Variants in NAALADL2 observed in about 807,000 individuals in gnomAD.
NAALADL2 encodes the protein inactive N-acetylated-alpha-linked acidic dipeptidase-like protein 2.
A neutral mutation model predicts 87.2 loss-of-function variants in NAALADL2; 76 were observed. That is an observed-to-expected ratio of 0.87 (90% CI 0.72 to 1.05). NAALADL2 has a LOEUF of 1.05. NAALADL2 is among the 50% of genes least tolerant of loss of function. The pLI is 0.00. For synonymous variants in NAALADL2, 354 were observed against 331.0 expected, an observed-to-expected ratio of 1.07 and a Z score of -0.75; for missense variants, 1,089 against 945.8, an observed-to-expected ratio of 1.15 and a Z score of -1.99.
At chr3:175,414,760 T>A (rs1714264121) in intron 5 of NAALADL2, among the ~76,000 whole-genome samples, 8 of 152,146 alleles carry the variant, frequency 5.3e-5, no homozygotes, top group Admixed American at 5.2e-4. Context: ...TTGATTTTAG[T>A]GTAGATCCAA....
intron 10 of NAALADL2, among the ~76,000 whole-genome samples, chr3:175,585,064 A>T (rs1258269755): frequency 6.6e-6 from 1 of 151,714 alleles, no homozygotes; most frequent in African/African-American, 2.4e-5. Flanking sequence ...TTAGCTTAAA[A>T]CCCAACATAT....
At chr3:175,504,741 G>A (rs371456222) in intron 9 of NAALADL2, among the ~76,000 whole-genome samples, 3 of 151,962 alleles carry the variant, frequency 2.0e-5, no homozygotes, top group Non-Finnish European at 4.4e-5. Context: ...TTGTTATGGC[G>A]TCCAAGCTAA....
intron 1 of NAALADL2, among the ~76,000 whole-genome samples, chr3:174,542,177 T>C (rs969891801): frequency 6.6e-6 from 1 of 152,128 alleles, no homozygotes; most frequent in Admixed American, 6.6e-5. Flanking sequence ...AAACTAGAAA[T>C]TGCTTTCAGA....
intron 4 of NAALADL2, among the ~76,000 whole-genome samples, chr3:175,280,873 A>G (rs1320946815): frequency 6.6e-6 from 1 of 151,988 alleles, no homozygotes; most frequent in Non-Finnish European, 1.5e-5. Flanking sequence ...TCCTGATGCT[A>G]CATCAGCGTA....
intron 2 of NAALADL2, among the ~76,000 whole-genome samples, chr3:174,710,559 A>T (rs1730530629): frequency 6.6e-6 from 1 of 152,048 alleles, no homozygotes; most frequent in Non-Finnish European, 1.5e-5. Flanking sequence ...CGACCCTCAT[A>T]TGAGCCTTTT....
intron 11 of NAALADL2, among the ~76,000 whole-genome samples, chr3:175,645,834 G>C (rs1172722362): frequency 6.6e-6 from 1 of 151,982 alleles, no homozygotes; most frequent in African/African-American, 2.4e-5. Context: ...ATAAATTGGG[G>C]GTTTCAAAAG....
intron 1 of NAALADL2, among the ~76,000 whole-genome samples, chr3:175,075,176 G>T (rs1224481317): frequency 6.6e-6 from 1 of 152,010 alleles, no homozygotes; most frequent in South Asian, 2.1e-4. Flanking sequence ...TAAGCAACTT[G>T]TCCAAAATAT....
chr3:175,062,673 T>C (rs1399893244), intron 1 of NAALADL2, among the ~76,000 whole-genome samples: 1 of 152,194 alleles, frequency 6.6e-6, no homozygotes, highest in Non-Finnish European at 1.5e-5. Context: ...ACGGGGCTAA[T>C]TTTTTCATTT....
At chr3:174,857,303 A>G (rs1265311913), upstream of NAALADL2, among the ~76,000 whole-genome samples, 3 of 152,186 alleles carry the variant, frequency 2.0e-5, no homozygotes, top group Non-Finnish European at 4.4e-5. Flanking sequence ...TAGTATTGCA[A>G]CTGATTCTTT....
At chr3:175,602,465 T>TATAC (rs1391718750) in intron 10 of NAALADL2, among the ~76,000 whole-genome samples, 19 of 150,074 alleles carry the variant, frequency 1.3e-4, no homozygotes, top group African/African-American at 4.2e-4. Flanking sequence ...TATCTATATA[T>TATAC]ATAGAGAGAG....
intron 2 of NAALADL2, among the ~76,000 whole-genome samples, chr3:174,686,701 C>T (rs1442002364): frequency 6.6e-6 from 1 of 152,092 alleles, no homozygotes. Flanking sequence ...AAAGAATTAT[C>T]TATTCAATAA....
At chr3:175,630,188 G>A (rs531033560) in intron 11 of NAALADL2, among the ~76,000 whole-genome samples, 1 of 151,846 alleles carries the variant, frequency 6.6e-6, no homozygotes, top group East Asian at 1.9e-4. Flanking sequence ...ACCATAAAAT[G>A]AAGTAATTAA....
At chr3:174,902,221 G>C (rs540120977) in intron 1 of NAALADL2, among the ~76,000 whole-genome samples, 117 of 152,194 alleles carry the variant, frequency 7.7e-4, no homozygotes, top group African/African-American at 2.6e-3. Flanking sequence ...TAGCAAAACA[G>C]ATACATCCAA....
intron 1 of NAALADL2, among the ~76,000 whole-genome samples, chr3:174,983,830 T>A (rs1206442176): frequency 6.6e-6 from 1 of 152,208 alleles, no homozygotes; most frequent in African/African-American, 2.4e-5. Flanking sequence ...GCTGACAAGT[T>A]GTTTACTATC....
rs114669674 is a variant in NAALADL2, at chr3:174,960,362, G to A, written c.43+100912G>A. ...TTCTGGAAACACTTTCTAGAATATA[G>A]TTTCCAGTTTTCCTGGTATTAAGTG... is the stretch of plus-strand genomic sequence containing the variant. On this transcript the variant is annotated intron_variant, in intron 1 of 13. Transcript: ENST00000454872. Among the ~76,000 whole-genome samples, 744 of 152,116 alleles carry A rather than the reference G, an allele frequency of 4.9e-3. 8 individuals carry two copies. Among genetic ancestry groups the A allele is most frequent in the African/African-American group, 0.016 (669 of 41,522 alleles).
chr3:174,893,420 G>C (rs1362366036), intron 1 of NAALADL2, among the ~76,000 whole-genome samples: 1 of 151,900 alleles, frequency 6.6e-6, no homozygotes, highest in African/African-American at 2.4e-5. Flanking sequence ...CTGTAGCTGT[G>C]GTGTGTAAAC....
chr3:175,686,775 A>G (rs1031659797), intron 11 of NAALADL2, among the ~76,000 whole-genome samples: 2 of 152,140 alleles, frequency 1.3e-5, no homozygotes, highest in Non-Finnish European at 2.9e-5. Flanking sequence ...TTCCGTGACT[A>G]TTTGCAAAAT....
chr3:174,591,963 T>C (rs532146193), intron 2 of NAALADL2, among the ~76,000 whole-genome samples: 30 of 152,290 alleles, frequency 2.0e-4, no homozygotes, highest in African/African-American at 7.0e-4. Context: ...TCAAGATTTT[T>C]ATTTTCTTGG....
chr3:174,970,496 G>C (rs1313127024), intron 1 of NAALADL2, among the ~76,000 whole-genome samples: 2 of 152,108 alleles, frequency 1.3e-5, no homozygotes, highest in East Asian at 3.9e-4. Context: ...ATAATAATTA[G>C]AAGTAGATTT....
Sources: gnomAD v4.1 joint callset for allele counts (sites outside exome capture counted in the v4.1 genomes callset) on GRCh38, gnomAD v4.1.1 for gene constraint, MANE v1.5 for transcripts, NCBI Gene and HGNC (gene_info 2026-07-23, HGNC 2026-07-21) for gene names.